The following METTL22 variants were observed in gnomAD, a reference collection of about 807,000 sequenced individuals.
METTL22 encodes the protein methyltransferase-like protein 22.
Under a neutral mutation model 48.4 loss-of-function variants are expected in METTL22, and 51 were observed. The observed-to-expected ratio is 1.05, with a 90% confidence interval of 0.84 to 1.33. The LOEUF is 1.33. Among genes scored for constraint, METTL22 ranks in the 40% most tolerant of loss-of-function variants. The probability of loss-of-function intolerance (pLI) is 0.00; values close to 1 mark genes in which losing one functional copy is unlikely to be tolerated. For missense variants in METTL22, 678 were observed against 526.9 expected, an observed-to-expected ratio of 1.29 and a Z score of -2.81; for synonymous variants, 255 against 214.1, an observed-to-expected ratio of 1.19 and a Z score of -1.67.
In METTL22 at chr16:8,647,925, G is replaced by A. The variant is rs1156669155; in HGVS notation, c.*1782G>A. The A allele has an allele frequency of 6.6e-6, 1 of 152,274 alleles. No homozygotes were observed. The allele number at this position is 152,274 out of a possible 1,614,324, so 9.4% of individuals were successfully genotyped here. A position where few individuals can be genotyped will look rare whatever the true frequency, so the allele number is the denominator to read the frequency against. On this transcript the variant is annotated 3_prime_UTR_variant, in exon 11 of 11. Transcript: ENST00000381920. ...GCAACCAAGGGCAGAGTCAGGTTTA[G>A]AGCCCATGTCCACCCATGTCCATCT...
the METTL22 span, among the ~76,000 whole-genome samples, chr16:8,663,274 G>A: frequency 1.3e-5 from 2 of 149,294 alleles, no homozygotes; most frequent in African/African-American, 4.9e-5. Context: ...ATTAATCTCT[G>A]TTGCATTTCT....
intron 3 of METTL22, among the ~76,000 whole-genome samples, chr16:8,634,237 C>T (rs1049697280): frequency 3.3e-5 from 5 of 152,174 alleles, no homozygotes; most frequent in African/African-American, 1.2e-4. Flanking sequence ...CAAGAGGACC[C>T]TACACAGTCG....
rs1730994 is a variant in METTL22 at position 8,646,158 on chromosome 16, A to C, written c.*15A>C. 1 allele frequency: 1,609,846 copies of C among 1,613,768 alleles called. 803,060 individuals carry two copies. Among genetic ancestry groups the C allele is most frequent in the Non-Finnish European group, 1 (1,179,641 of 1,179,688 alleles). On this transcript the variant is annotated 3_prime_UTR_variant, in exon 11 of 11. Transcript: ENST00000381920. ...CAGTAACATGACCCATCGCCTCCACAAGGCGCGGCGTCTCGACTGTTCTTA... is the reference window on the plus strand; with the variant it reads ...CAGTAACATGACCCATCGCCTCCACCAGGCGCGGCGTCTCGACTGTTCTTA...
intron 8 of METTL22, 30 bp downstream of exon 8, chr16:8,642,237 T>TACAACACG (rs1451524561): frequency 3.2e-6 from 5 of 1,575,912 alleles, no homozygotes; most frequent in Middle Eastern, 1.7e-4. Context: ...GCCGTACACG[T>TACAACACG]CCTTTGTTGT....
rs116252891 is a variant in METTL22 at position 8,642,390 on chromosome 16, G to C, written c.908-73G>C. The C allele has an allele frequency of 1.3e-4, 184 of 1,439,906 alleles. No homozygotes were observed. In the African/African-American group the frequency reaches 2.2e-3, roughly 17 times the overall value. The allele number at this position is 1,439,906 out of a possible 1,614,324, so 89.2% of individuals were successfully genotyped here. On this transcript the variant is annotated intron_variant, in intron 8 of 10. Transcript: ENST00000381920. The stretch of plus-strand genomic sequence containing the variant: ...TGGTGATAAGCATTCTCTCTGTGCG[G>C]ATTGCTCTGAAAAGTCGATTTCTGT...
At chr16:8,653,470 A>C (rs924632007), downstream of METTL22, among the ~76,000 whole-genome samples, 3 of 152,230 alleles carry the variant, frequency 2.0e-5, no homozygotes, top group African/African-American at 4.8e-5. Context: ...CTGTGTTGAC[A>C]GGAAAATATT....
intron 9 of METTL22, among the ~76,000 whole-genome samples, chr16:8,643,595 G>A (rs564606143): frequency 1.3e-5 from 2 of 152,142 alleles, no homozygotes; most frequent in Non-Finnish European, 2.9e-5. Flanking sequence ...AGCTGGTAAT[G>A]GGTTCATTAG....
intron 2 of METTL22, among the ~76,000 whole-genome samples, chr16:8,628,261 T>C (rs758091505): frequency 5.9e-5 from 9 of 152,218 alleles, no homozygotes; most frequent in Non-Finnish European, 1.3e-4. Context: ...GCACCTGGCA[T>C]GGTACTTGGC....
chr16:8,661,621 G>A, the METTL22 span, among the ~76,000 whole-genome samples: 3 of 123,298 alleles, frequency 2.4e-5, no homozygotes, highest in Middle Eastern at 3.9e-3. Flanking sequence ...CTCCAGCCTG[G>A]GCGACACAGC....
the METTL22 span, among the ~76,000 whole-genome samples, chr16:8,660,353 T>C: frequency 6.6e-6 from 1 of 151,730 alleles, no homozygotes; most frequent in African/African-American, 2.4e-5. Context: ...TTTGTATTTT[T>C]TTTTAGTAGA....
In METTL22 at chr16:8,644,357, C is replaced by T. The variant is rs2056716578; in HGVS notation, c.1011-200C>T. 6 of 522,842 alleles carry T rather than the reference C, an allele frequency of 1.1e-5. No homozygotes were observed. The South Asian group carries it at 1.7e-4, about 15-fold the overall frequency. The allele number at this position is 522,842 out of a possible 1,614,324, so 32.4% of individuals were successfully genotyped here. A position where few individuals can be genotyped will look rare whatever the true frequency, so the allele number is the denominator to read the frequency against. ...AGCCTGTTTCCACATCTGTAAAGTG[C>T]TATCCACTTCCACCTCCTGGGCTGT... On this transcript the variant is annotated intron_variant, in intron 9 of 10. Coordinates refer to ENST00000381920, the MANE Select transcript of METTL22 (RefSeq NM_024109.4).
At position 8,635,209 on chromosome 16, in the gene METTL22, C is replaced by A. The variant is rs763995647; in HGVS notation, c.597C>A (p.Phe199Leu). 12 of 1,610,878 alleles carry A rather than the reference C, an allele frequency of 7.4e-6. No homozygotes were observed. Among genetic ancestry groups the A allele is most frequent in the Non-Finnish European group, 1.0e-5 (12 of 1,178,330 alleles). The change falls in exon 5 of 11, where the codon TTC (phenylalanine) becomes TTA (leucine). Residue 199 changes from phenylalanine to leucine, a missense_variant. Coordinates refer to ENST00000381920, the MANE Select transcript of METTL22 (RefSeq NM_024109.4). The part of the protein sequence containing the change: ...GALLLADYIL[F>L]RQDLFRGCTA... ...TGCTCCTGGCAGACTACATCCTGTT[C>A]CGACAGGACCTCTTCCGAGGATGTA...
intron 3 of METTL22, among the ~76,000 whole-genome samples, chr16:8,629,977 G>A (rs572750383): frequency 2.0e-4 from 30 of 152,152 alleles, no homozygotes; most frequent in African/African-American, 3.4e-4. Context: ...AGCGAGCTTC[G>A]AATCCACACA....
intron 10 of METTL22, 110 bp downstream of exon 10, chr16:8,644,835 C>G (rs2056737263): frequency 1.2e-5 from 14 of 1,202,684 alleles, no homozygotes; most frequent in Non-Finnish European, 1.6e-5. Context: ...CCACCCTAGT[C>G]CTGCAGGGGG....
At chr16:8,666,410 T>C in the METTL22 span, among the ~76,000 whole-genome samples, 2 of 152,144 alleles carry the variant, frequency 1.3e-5, no homozygotes, top group African/African-American at 4.8e-5. Context: ...ACCTCCCAAA[T>C]AAAGCACTCA....
chr16:8,642,233 C>T (rs777795708), intron 8 of METTL22, 26 bp downstream of exon 8: 4 of 1,584,098 alleles, frequency 2.5e-6, no homozygotes, highest in South Asian at 1.1e-5. Context: ...CTTCGCCGTA[C>T]ACGTCCTTTG....
the METTL22 span, chr16:8,667,207 A>G: frequency 6.6e-6 from 1 of 152,102 alleles, no homozygotes; most frequent in Non-Finnish European, 1.5e-5. Flanking sequence ...ATCTCAGTTC[A>G]GGTTTTCTTT....
rs115861262 is a variant in METTL22 at position 8,647,063 on chromosome 16, C to T, written c.*920C>T. ...GCTGCCGCACACTTTGCACCAGGGC[C>T]TTTCATGGCCCCTTTCCGCCTCCCT... is the stretch of plus-strand genomic sequence containing the variant. On this transcript the variant is annotated 3_prime_UTR_variant, in exon 11 of 11. Coordinates refer to ENST00000381920, the MANE Select transcript of METTL22 (RefSeq NM_024109.4). The T allele has an allele frequency of 0.042, 10,586 of 252,316 alleles. 269 individuals carry two copies. The highest frequency in any genetic ancestry group is 0.064 in the Middle Eastern group (44 of 692). The allele number at this position is 252,316 out of a possible 1,614,324, so 15.6% of individuals were successfully genotyped here.
chr16:8,626,348 A>G (rs1480209124), intron 2 of METTL22, among the ~76,000 whole-genome samples: 2 of 151,626 alleles, frequency 1.3e-5, no homozygotes, highest in African/African-American at 2.4e-5. Flanking sequence ...CCAGGACTTG[A>G]TGCTGGGAAT....
Sources: allele counts gnomAD v4.1 joint callset (sites outside exome capture counted in the v4.1 genomes callset), GRCh38; gene constraint gnomAD v4.1.1; transcripts MANE v1.5; gene names NCBI Gene and HGNC (gene_info 2026-07-23, HGNC 2026-07-21).